NFASC: variants seen among roughly 807,000 people sequenced by gnomAD.
NFASC encodes neurofascin.
Under a neutral mutation model 147.5 loss-of-function variants are expected in NFASC, and 43 were observed. That is an observed-to-expected ratio of 0.29 (90% CI 0.23 to 0.38). The LOEUF (loss-of-function observed/expected upper bound fraction) is 0.38. Ranked by LOEUF, NFASC falls within the 10% of genes least tolerant of loss-of-function variation. The pLI, the probability that NFASC is intolerant of heterozygous loss-of-function variation, is 1.00. For synonymous variants in NFASC, 622 were observed against 665.5 expected (o/e 0.93, Z 1.01); for missense variants, 1,320 against 1,689.0 (o/e 0.78, Z 3.83).
intron 1 of NFASC, among the ~76,000 whole-genome samples, chr1:204,884,640 T>G (rs1012999636): frequency 6.6e-6 from 1 of 152,156 alleles, no homozygotes; most frequent in African/African-American, 2.4e-5. Flanking sequence ...TTTGTGAGCC[T>G]CAGCTTGAAA....
At chr1:204,870,249 T>C (rs1232897528) in intron 1 of NFASC, among the ~76,000 whole-genome samples, 3 of 152,128 alleles carry the variant, frequency 2.0e-5, no homozygotes, top group Admixed American at 1.3e-4. Context: ...TGTAATGGGC[T>C]GTCAAGTGAA....
At chr1:205,001,527 T>C (rs1464054449) in intron 26 of NFASC, among the ~76,000 whole-genome samples, 2 of 152,150 alleles carry the variant, frequency 1.3e-5, no homozygotes, top group Non-Finnish European at 2.9e-5. Flanking sequence ...GGATTGCATG[T>C]CTGTGGAGGA....
At chr1:204,956,941 T>G (rs970505140) in intron 7 of NFASC, among the ~76,000 whole-genome samples, 5 of 152,196 alleles carry the variant, frequency 3.3e-5, no homozygotes, top group African/African-American at 4.8e-5. Context: ...AGTCAACATT[T>G]TCAGCCACTC....
intron 1 of NFASC, chr1:204,870,986 G>A (rs1454683691): frequency 7.8e-7 from 1 of 1,288,444 alleles, no homozygotes; most frequent in East Asian, 5.6e-5. Context: ...CCTAAGAAAT[G>A]CCTAGCTTCC....
intron 1 of NFASC, among the ~76,000 whole-genome samples, chr1:204,904,565 A>G (rs184529822): frequency 1.3e-5 from 2 of 152,328 alleles, no homozygotes; most frequent in Non-Finnish European, 2.9e-5. Flanking sequence ...ATTAGAATGT[A>G]GATATCTCTG....
At chr1:204,926,425 T>C in intron 2 of NFASC, among the ~76,000 whole-genome samples, 1 of 118,808 alleles carries the variant, frequency 8.4e-6, no homozygotes, top group Non-Finnish European at 1.7e-5. Context: ...TTTTTTTTTT[T>C]TTTTTTTTGA....
In NFASC at chr1:204,861,445, A is replaced by G. The variant is rs141768718; in HGVS notation, c.-200+32663A>G. ...TACCTAGGAGTGGAATTGCTGGGTCATATGGTAATTCAACATTTGGCTTAT... is the reference window on the plus strand; with the variant it reads ...TACCTAGGAGTGGAATTGCTGGGTCGTATGGTAATTCAACATTTGGCTTAT... On this transcript the variant is annotated intron_variant, in intron 1 of 29. Transcript: ENST00000339876. Among the ~76,000 whole-genome samples the G allele has an allele frequency of 1.0e-3, 157 of 152,116 alleles. 1 individual carries two copies. Among genetic ancestry groups the G allele is most frequent in the South Asian group, 4.4e-3 (21 of 4,816 alleles).
chr1:204,882,910 G>T (rs1220371732), intron 1 of NFASC, among the ~76,000 whole-genome samples: 1 of 152,052 alleles, frequency 6.6e-6, no homozygotes, highest in Non-Finnish European at 1.5e-5. Context: ...AGACGCCCGG[G>T]GTTCTCAGGT....
intron 1 of NFASC, among the ~76,000 whole-genome samples, chr1:204,900,586 C>T (rs1345374069): frequency 1.3e-5 from 2 of 152,066 alleles, no homozygotes; most frequent in Non-Finnish European, 2.9e-5. Flanking sequence ...TGGGAAAAGA[C>T]AGATAACAGG....
chr1:205,005,075 G>C (rs916375144), intron 27 of NFASC, among the ~76,000 whole-genome samples: 1 of 152,324 alleles, frequency 6.6e-6, no homozygotes, highest in South Asian at 2.1e-4. Context: ...GGAGAGCAGG[G>C]AGCAGGGCCT....
At chr1:204,892,618 A>G (rs2082628657) in intron 1 of NFASC, among the ~76,000 whole-genome samples, 1 of 152,224 alleles carries the variant, frequency 6.6e-6, no homozygotes, top group Admixed American at 6.5e-5. Context: ...AATTGAGATG[A>G]GCTGTAAGTA....
intron 1 of NFASC, among the ~76,000 whole-genome samples, chr1:204,846,431 A>C (rs1382755345): frequency 6.6e-6 from 1 of 152,094 alleles, no homozygotes; most frequent in Non-Finnish European, 1.5e-5. Flanking sequence ...TAATGCACAG[A>C]GAGCTTGGTG....
At chr1:204,882,723 CTG>C (rs1325962641) in intron 1 of NFASC, among the ~76,000 whole-genome samples, 1 of 152,156 alleles carries the variant, frequency 6.6e-6, no homozygotes, top group African/African-American at 2.4e-5. Context: ...TAAGTGAAAA[CTG>C]TAGCTCAGTG....
At chr1:204,994,875 G>A (rs918314316) in intron 24 of NFASC, among the ~76,000 whole-genome samples, 2 of 152,210 alleles carry the variant, frequency 1.3e-5, no homozygotes, top group Non-Finnish European at 1.5e-5. Flanking sequence ...CACTTTGGGA[G>A]GCTGAGGCTA....
intron 1 of NFASC, among the ~76,000 whole-genome samples, chr1:204,905,005 G>A (rs1282527977): frequency 6.6e-6 from 1 of 152,034 alleles, no homozygotes; most frequent in Non-Finnish European, 1.5e-5. Context: ...TGATTCCCTC[G>A]CCACCACCAG....
intron 1 of NFASC, among the ~76,000 whole-genome samples, chr1:204,916,667 G>C (rs1226459008): frequency 2.6e-5 from 4 of 152,186 alleles, no homozygotes; most frequent in Non-Finnish European, 5.9e-5. Context: ...GTGGGCCTTT[G>C]AGATAAGAAC....
At chr1:204,873,009 G>T (rs192844022) in intron 1 of NFASC, among the ~76,000 whole-genome samples, 14 of 152,284 alleles carry the variant, frequency 9.2e-5, no homozygotes, top group Admixed American at 6.5e-4. Flanking sequence ...CCCTATGCTT[G>T]GAGTCTCTTG....
chr1:204,866,049 C>T (rs2077078437), intron 1 of NFASC, among the ~76,000 whole-genome samples: 1 of 152,208 alleles, frequency 6.6e-6, no homozygotes, highest in South Asian at 2.1e-4. Context: ...ACATTGCTAT[C>T]TCCTTCAAGG....
In NFASC at chr1:204,968,675, A is replaced by T; in HGVS notation, c.819-123A>T. On this transcript the variant is annotated intron_variant, in intron 9 of 29. Transcript: ENST00000339876. The surrounding 1 kb of genome is among the most constrained non-coding windows in gnomAD (Gnocchi z 5.4). The stretch of plus-strand genomic sequence containing the variant: ...CTCTGCACAGGAAAGATCAGCTTTT[A>T]GAGGACATGCATCCTCCTGGGCCCA... 1.2e-6 allele frequency: 1 copy of T among 820,524 alleles called. No individual in the cohort carries two copies. Among genetic ancestry groups the T allele is most frequent in the Non-Finnish European group, 1.9e-6 (1 of 529,118 alleles). The allele number at this position is 820,524 out of a possible 1,614,324, so 50.8% of individuals were successfully genotyped here. A position where few individuals can be genotyped will look rare whatever the true frequency, so the allele number is the denominator to read the frequency against.
Sources: gnomAD v4.1 joint callset for allele counts (sites outside exome capture counted in the v4.1 genomes callset) on GRCh38, gnomAD v4.1.1 for gene constraint, Gnocchi (gnomAD v3.1) non-coding constraint, MANE v1.5 for transcripts, NCBI Gene and HGNC (gene_info 2026-07-23, HGNC 2026-07-21) for gene names.